Variants in PPP2R1A observed in about 807,000 individuals in gnomAD.
The protein encoded by PPP2R1A is protein phosphatase 2 scaffold subunit Aalpha, also known as serine/threonine-protein phosphatase 2A 65 kDa regulatory subunit A alpha isoform.
PPP2R1A carries 15 observed loss-of-function variants against 67.1 expected under a neutral mutation model. The observed-to-expected ratio is 0.22, with a 90% confidence interval of 0.15 to 0.34. The LOEUF (loss-of-function observed/expected upper bound fraction) is 0.34, where lower values mean the gene tolerates loss of function less well. Ranked by LOEUF, PPP2R1A falls within the 10% of genes least tolerant of loss-of-function variation. The probability of loss-of-function intolerance (pLI) is 1.00; values close to 1 mark genes in which losing one functional copy is unlikely to be tolerated. For missense variants in PPP2R1A, 369 were observed against 775.0 expected (o/e 0.48, Z 6.22); for synonymous variants, 337 against 325.0 (o/e 1.04, Z -0.40).
intron 7 of PPP2R1A, 35 bp downstream of exon 7, chr19:52,215,928 T>G (rs752679684): frequency 6.2e-7 from 1 of 1,611,678 alleles, no homozygotes; most frequent in Non-Finnish European, 8.5e-7. Context: ...GCAAGTGGGG[T>G]GGGTATCCAA....
At chr19:52,190,210 AG>A in intron 1 of PPP2R1A, 36 bp downstream of exon 1, 1 of 1,545,914 alleles carries the variant, frequency 6.5e-7, no homozygotes, top group Non-Finnish European at 8.7e-7. Context: ...GAAGACGCGG[AG>A]GGGTACCTGG....
In PPP2R1A at chr19:52,215,885, A is replaced by G. The variant is rs1978539014; in HGVS notation, c.914A>G (p.Lys305Arg). The G allele has an allele frequency of 6.2e-7, 1 of 1,614,004 alleles. No homozygotes were observed. The highest frequency in any genetic ancestry group is 8.5e-7 in the Non-Finnish European group (1 of 1,179,936). Residue 305 changes from lysine (K) to arginine (R), a missense_variant, in exon 7 of 15, where the codon AAG (lysine) becomes AGG (arginine). Coordinates refer to ENST00000322088, the MANE Select transcript of PPP2R1A (RefSeq NM_014225.6). The part of the protein sequence containing the change: ...EAEVRAAASH[K>R]VKEFCENLSA... Reference sequence around the variant, plus strand: ...GAGGTGAGGGCCGCAGCCTCCCACAAGGTCAAAGGTTGGTGCTGGCAGCCG... The same window carrying G: ...GAGGTGAGGGCCGCAGCCTCCCACAGGGTCAAAGGTTGGTGCTGGCAGCCG...
In PPP2R1A at chr19:52,197,128, TCTTTATTTTC is replaced by T. The variant is rs202123942; in HGVS notation, c.79-4815_79-4806del. On this transcript the variant is annotated intron_variant, in intron 1 of 14. Transcript: ENST00000322088. ...ATGAATTTGGATGGCAAAAATAACA[TCTTTATTTTC>T]ATTAACCTTTAACTTACATTTAACT... Among the ~76,000 whole-genome samples, 1,123 of 152,268 alleles carry T rather than the reference TCTTTATTTTC, an allele frequency of 7.4e-3. 12 individuals carry two copies. The highest frequency in any genetic ancestry group is 0.025 in the African/African-American group (1,046 of 41,544).
intron 1 of PPP2R1A, among the ~76,000 whole-genome samples, chr19:52,196,395 G>A (rs1239741978): frequency 2.0e-5 from 3 of 152,150 alleles, no homozygotes; most frequent in African/African-American, 7.2e-5. Context: ...ACAGAAATGC[G>A]GTTTTTTTGA....
In PPP2R1A at chr19:52,210,986, T is replaced by C. The variant is rs111627186; in HGVS notation, c.271-274T>C. On this transcript the variant is annotated intron_variant, in intron 3 of 14. Coordinates refer to ENST00000322088, the MANE Select transcript of PPP2R1A (RefSeq NM_014225.6). ...AAGCAACGTGTGTAATTTTAAGGTT[T>C]ATGGACCCCAGTGAAACTCCTTCAA... Among the ~76,000 whole-genome samples, 1,019 of 152,310 alleles carry C rather than the reference T, an allele frequency of 6.7e-3. 13 individuals are homozygous for C. The highest frequency in any genetic ancestry group is 0.023 in the African/African-American group (969 of 41,556).
At position 52,211,930 on chromosome 19, in the gene PPP2R1A, C is replaced by A. The variant is rs184845027; in HGVS notation, c.503+438C>A. Among the ~76,000 whole-genome samples the A allele has an allele frequency of 1.8e-4, 27 of 152,344 alleles. No homozygotes were observed. The highest frequency in any genetic ancestry group is 5.8e-4 in the African/African-American group (24 of 41,590). On this transcript the variant is annotated intron_variant, in intron 4 of 14. Coordinates refer to ENST00000322088, the MANE Select transcript of PPP2R1A (RefSeq NM_014225.6). The surrounding 1 kb of genome is among the most constrained non-coding windows in gnomAD (Gnocchi z 5.3). ...ACTTTGCAAACGATTGACCGTCAAG[C>A]CCGGGTTTGAGCCTGACTCACTCCA...
Position 52,215,818 on chromosome 19 carries a change from C to T in PPP2R1A, c.847C>T (p.Leu283=). 6.2e-7 allele frequency: 1 copy of T among 1,614,074 alleles called. No individual in the cohort carries two copies. Among genetic ancestry groups the T allele is most frequent in the African/African-American group, 1.3e-5 (1 of 75,046 alleles). Residue 283 remains leucine, a synonymous_variant, in exon 7 of 15, where the codon CTG becomes TTG. Transcript: ENST00000322088. ...AVGPEITKTD[L]VPAFQNLMKD... is the part of the protein sequence containing the mutation. Reference sequence around the variant, plus strand: ...GGGGCCTGAGATCACCAAGACAGACCTGGTCCCTGCCTTCCAGAACCTGAT... The same window carrying T: ...GGGGCCTGAGATCACCAAGACAGACTTGGTCCCTGCCTTCCAGAACCTGAT...
intron 12 of PPP2R1A, 37 bp from the exon 13 acceptor site, chr19:52,222,062 C>T: frequency 1.9e-6 from 3 of 1,562,010 alleles, no homozygotes; most frequent in Non-Finnish European, 2.6e-6. Context: ...TAGCCAGGAG[C>T]TTTGCATACT....
At chr19:52,204,617 G>C (rs999669021) in intron 2 of PPP2R1A, among the ~76,000 whole-genome samples, 4 of 152,208 alleles carry the variant, frequency 2.6e-5, no homozygotes, top group African/African-American at 7.2e-5. Flanking sequence ...AGATGAATAA[G>C]AATTGAGTCC....
At chr19:52,215,705 T>C in intron 6 of PPP2R1A, 74 bp from the exon 7 acceptor site, 1 of 1,265,236 alleles carries the variant, frequency 7.9e-7, no homozygotes, top group Non-Finnish European at 1.2e-6. Flanking sequence ...TGCCTTCACT[T>C]TGATTTTGGC....
At chr19:52,225,104 G>A (rs901528847) in intron 13 of PPP2R1A, among the ~76,000 whole-genome samples, 52 of 129,736 alleles carry the variant, frequency 4.0e-4, no homozygotes, top group African/African-American at 1.4e-3. Context: ...CACAACCTCC[G>A]CCTCCCAGGT....
rs1979221184 is a variant in PPP2R1A at position 52,225,819 on chromosome 19, G to A, written c.1753+11G>A. 6.2e-7 allele frequency: 1 copy of A among 1,613,526 alleles called. No individual in the cohort carries two copies. Among genetic ancestry groups the A allele is most frequent in the South Asian group, 1.1e-5 (1 of 91,080 alleles). ...AGGAGGCTCTGACTGGTAAGACCTA[G>A]AAAGCACGGAGCCCTAGCAGGAGGG... On this transcript the variant is annotated intron_variant, in intron 14 of 14. Coordinates refer to ENST00000322088, the MANE Select transcript of PPP2R1A (RefSeq NM_014225.6).
chr19:52,213,244 A>G lies in PPP2R1A; in HGVS notation c.807+134A>G. ...TTTGAGCAATAAGATCTCTATGATC[A>G]TCTAACTGCGTCTCGCTTCGTGTGC... On this transcript the variant is annotated intron_variant, in intron 6 of 14. Coordinates refer to ENST00000322088, the MANE Select transcript of PPP2R1A (RefSeq NM_014225.6). The surrounding 1 kb of genome is among the most constrained non-coding windows in gnomAD (Gnocchi z 4.2). The G allele has an allele frequency of 8.7e-7, 1 of 1,153,106 alleles. No individual in the cohort carries two copies. Among genetic ancestry groups the G allele is most frequent in the South Asian group, 2.0e-5 (1 of 50,996 alleles). The allele number at this position is 1,153,106 out of a possible 1,614,324, so 71.4% of individuals were successfully genotyped here.
intron 3 of PPP2R1A, among the ~76,000 whole-genome samples, chr19:52,208,276 C>G (rs1410891968): frequency 6.6e-6 from 1 of 151,990 alleles, no homozygotes; most frequent in Non-Finnish European, 1.5e-5. Flanking sequence ...TCAGGTGATT[C>G]TCCTGCCTCA....
chr19:52,212,420 C>T lies in PPP2R1A; in HGVS notation c.504-266C>T, dbSNP rs1314039754. ...GCAATTTTTATGGGAATGATGTAAT[C>T]GTCAGCACTTAGCATTGACTAGATT... On this transcript the variant is annotated intron_variant, in intron 4 of 14. Coordinates refer to ENST00000322088, the MANE Select transcript of PPP2R1A (RefSeq NM_014225.6). The surrounding 1 kb of genome is among the most constrained non-coding windows in gnomAD (Gnocchi z 4.1). The T allele has an allele frequency of 1.4e-5, 7 of 484,342 alleles. No individual in the cohort carries two copies. Among genetic ancestry groups the T allele is most frequent in the South Asian group, 2.4e-5 (1 of 42,208 alleles). The allele number at this position is 484,342 out of a possible 1,614,324, so 30.0% of individuals were successfully genotyped here.
intron 1 of PPP2R1A, chr19:52,191,431 T>A (rs1235562876): frequency 2.0e-5 from 3 of 152,136 alleles, no homozygotes; most frequent in Admixed American, 6.5e-5. Context: ...TCGATAAATA[T>A]TAGCTGTAAT....
rs968066975 is a variant in PPP2R1A at position 52,219,557 on chromosome 19, C to T, written c.1129-134C>T. 2.9e-5 allele frequency: 25 copies of T among 855,582 alleles called. No homozygotes were observed. Among genetic ancestry groups the T allele is most frequent in the East Asian group, 2.2e-4 (8 of 36,730 alleles). 53.0% of individuals were successfully genotyped at this position (855,582 alleles called of 1,614,324 possible). A position where few individuals can be genotyped will look rare whatever the true frequency, so the allele number is the denominator to read the frequency against. On this transcript the variant is annotated intron_variant, in intron 9 of 14. Coordinates refer to ENST00000322088, the MANE Select transcript of PPP2R1A (RefSeq NM_014225.6). This position sits in a 1 kb window ranked among gnomAD's most constrained non-coding sequence, Gnocchi z 4.0. ...GTGTGCCGTTAATGTGTTCCCAGAA[C>T]GGGGAGCTGGGCTTGGACAGGAGTA... is the stretch of plus-strand genomic sequence containing the variant.
intron 3 of PPP2R1A, among the ~76,000 whole-genome samples, chr19:52,208,356 A>G (rs2089628142): frequency 6.6e-6 from 1 of 151,736 alleles, no homozygotes. Flanking sequence ...TTTAGTAGAG[A>G]CGGGGTTTCA....
In PPP2R1A at chr19:52,205,991, C is replaced by G; in HGVS notation, c.198C>G (p.Leu66=). 1 of 1,614,128 alleles carries G rather than the reference C, an allele frequency of 6.2e-7. No individual in the cohort carries two copies. Among genetic ancestry groups the G allele is most frequent in the Non-Finnish European group, 8.5e-7 (1 of 1,179,982 alleles). The part of the protein sequence containing the change: ...TDTIYDEDEV[L]LALAEQLGTF... The stretch of plus-strand genomic sequence containing the variant: ...CCATCTATGATGAAGATGAGGTCCT[C>G]CTGGCCCTGGCAGAACAGCTGGGAA... Residue 66 remains leucine (L), a synonymous_variant, in exon 3 of 15, where the codon CTC becomes CTG. Transcript: ENST00000322088.
Sources: allele counts gnomAD v4.1 joint callset (sites outside exome capture counted in the v4.1 genomes callset), GRCh38; gene constraint gnomAD v4.1.1; non-coding constraint Gnocchi (gnomAD v3.1); transcripts MANE v1.5; gene names NCBI Gene and HGNC (gene_info 2026-07-23, HGNC 2026-07-21).